The following COMMD10 variants were observed in gnomAD, a reference collection of about 807,000 sequenced individuals.
COMMD10 encodes the protein COMM domain containing 10, also known as COMM domain-containing protein 10.
Under a neutral mutation model 28.9 loss-of-function variants are expected in COMMD10, and 33 were observed. The ratio of observed to expected loss-of-function variants is 1.14; its 90% CI spans 0.87 to 1.53. The LOEUF (loss-of-function observed/expected upper bound fraction) is 1.53, where lower values mean the gene tolerates loss of function less well. Ranked by LOEUF, COMMD10 falls within the 40% of genes most tolerant of loss-of-function variation. COMMD10 has a pLI of 0.00. For missense variants in COMMD10, 310 were observed against 233.4 expected, an observed-to-expected ratio of 1.33 and a Z score of -2.14; for synonymous variants, 110 against 81.7, an observed-to-expected ratio of 1.35 and a Z score of -1.87.
chr5:116,095,922 T>G (rs1750453038), intron 4 of COMMD10, among the ~76,000 whole-genome samples: 1 of 152,140 alleles, frequency 6.6e-6, no homozygotes, highest in Admixed American at 6.5e-5. Context: ...AATCATTTGA[T>G]ATTTTTGTGA....
At chr5:116,147,090 T>A (rs894759079) in intron 5 of COMMD10, among the ~76,000 whole-genome samples, 1 of 151,862 alleles carries the variant, frequency 6.6e-6, no homozygotes, top group African/African-American at 2.4e-5. Flanking sequence ...GGGTGTTTTC[T>A]TTTTGCATAT....
rs1751410899 is a variant in COMMD10, at chr5:116,292,973, G to C, written c.*484G>C. On this transcript the variant is annotated 3_prime_UTR_variant, in exon 7 of 7. Transcript: ENST00000274458. ...TATTTGAATATGATGAGTATATTTT[G>C]CTTCGGAAATAATATAGGAAGGAAA... The C allele has an allele frequency of 5.0e-6, 2 of 397,030 alleles. No homozygotes were observed. The highest frequency in any genetic ancestry group is 4.1e-5 in the African/African-American group (2 of 48,512). The allele number at this position is 397,030 out of a possible 1,614,324, so 24.6% of individuals were successfully genotyped here.
At chr5:116,248,781 C>G (rs925284352) in intron 5 of COMMD10, among the ~76,000 whole-genome samples, 1 of 151,848 alleles carries the variant, frequency 6.6e-6, no homozygotes, top group African/African-American at 2.4e-5. Context: ...TGTGAAGCAA[C>G]TCATGTATGT....
intron 5 of COMMD10, among the ~76,000 whole-genome samples, chr5:116,187,070 AAAT>A (rs1485966375): frequency 1.3e-5 from 2 of 152,146 alleles, no homozygotes; most frequent in Admixed American, 6.6e-5. Flanking sequence ...CTAAAGTAAA[AAAT>A]AATAATAAAC....
intron 5 of COMMD10, among the ~76,000 whole-genome samples, chr5:116,274,525 A>G (rs572127096): frequency 2.0e-5 from 3 of 151,882 alleles, no homozygotes; most frequent in African/African-American, 7.3e-5. Context: ...TCCCTGAGCT[A>G]CATTTGCTTG....
rs958852799 is a variant in COMMD10 at position 116,085,233 on chromosome 5, G to A, written c.41+140G>A. 1.6e-5 allele frequency: 11 copies of A among 682,202 alleles called. No homozygotes were observed. The South Asian group carries it at 1.9e-4, about 12-fold the overall frequency. The allele number at this position is 682,202 out of a possible 1,614,324, so 42.3% of individuals were successfully genotyped here. A position where few individuals can be genotyped will look rare whatever the true frequency, so the allele number is the denominator to read the frequency against. On this transcript the variant is annotated intron_variant, in intron 1 of 6. Coordinates refer to ENST00000274458, the MANE Select transcript of COMMD10 (RefSeq NM_016144.4). ...GGGGTGGGGTGGGGTGGGCTGCCGA[G>A]GTTGCGACGCTGCGTCTGCGGAGTG...
At chr5:116,275,480 A>T (rs1330181575) in intron 5 of COMMD10, among the ~76,000 whole-genome samples, 1 of 151,750 alleles carries the variant, frequency 6.6e-6, no homozygotes, top group East Asian at 1.9e-4. Flanking sequence ...TGTTAGGGCA[A>T]AGTATGTCAT....
intron 5 of COMMD10, among the ~76,000 whole-genome samples, chr5:116,269,164 T>A (rs1381799312): frequency 6.6e-6 from 1 of 151,814 alleles, no homozygotes; most frequent in Non-Finnish European, 1.5e-5. Flanking sequence ...CATGAATTTT[T>A]CCCACGTTTA....
chr5:116,226,203 G>T (rs1749389960), intron 5 of COMMD10, among the ~76,000 whole-genome samples: 1 of 151,866 alleles, frequency 6.6e-6, no homozygotes. Context: ...CTTTAATCTA[G>T]TATCTTATTA....
At chr5:116,291,478 G>C (rs1580366894) in intron 5 of COMMD10, 39 bp from the exon 6 acceptor site, 1 of 1,371,386 alleles carries the variant, frequency 7.3e-7, no homozygotes, top group Admixed American at 1.8e-5. Context: ...TGTAAATTGT[G>C]TGCAACTACA....
intron 5 of COMMD10, among the ~76,000 whole-genome samples, chr5:116,151,883 T>C (rs1580494061): frequency 6.6e-6 from 1 of 152,210 alleles, no homozygotes; most frequent in African/African-American, 2.4e-5. Context: ...TTTAGTTATT[T>C]CTTGCCTTCT....
chr5:116,260,970 G>C (rs141357151), intron 5 of COMMD10, among the ~76,000 whole-genome samples: 1 of 151,846 alleles, frequency 6.6e-6, no homozygotes, highest in East Asian at 1.9e-4. Context: ...TAACAGATCT[G>C]TGCGATTGGT....
intron 4 of COMMD10, among the ~76,000 whole-genome samples, chr5:116,104,526 C>T (rs1186887445): frequency 6.6e-6 from 1 of 152,128 alleles, no homozygotes; most frequent in Non-Finnish European, 1.5e-5. Flanking sequence ...AGTTGCTCAT[C>T]ATCTTAAGGA....
At chr5:116,166,812 C>T (rs934355287) in intron 5 of COMMD10, among the ~76,000 whole-genome samples, 9 of 151,938 alleles carry the variant, frequency 5.9e-5, no homozygotes, top group Non-Finnish European at 1.0e-4. Context: ...ATCAACAAAA[C>T]GGACATCCAC....
chr5:116,139,727 AATC>A (rs1752135834), intron 5 of COMMD10, among the ~76,000 whole-genome samples: 1 of 151,708 alleles, frequency 6.6e-6, no homozygotes, highest in South Asian at 2.1e-4. Flanking sequence ...ATATAAATAA[AATC>A]ATTCTCTCAC....
At chr5:116,183,829 G>T (rs540662863) in intron 5 of COMMD10, among the ~76,000 whole-genome samples, 2 of 152,172 alleles carry the variant, frequency 1.3e-5, no homozygotes, top group Admixed American at 1.3e-4. Context: ...CCATATTCAG[G>T]TATATATGGT....
intron 4 of COMMD10, among the ~76,000 whole-genome samples, chr5:116,123,014 G>A (rs974402994): frequency 6.6e-6 from 1 of 152,122 alleles, no homozygotes; most frequent in African/African-American, 2.4e-5. Flanking sequence ...CCAACACTAT[G>A]TTGAATAGGA....
intron 5 of COMMD10, among the ~76,000 whole-genome samples, chr5:116,137,925 C>A (rs1349020090): frequency 6.6e-6 from 1 of 151,886 alleles, no homozygotes; most frequent in Non-Finnish European, 1.5e-5. Flanking sequence ...GATTATTTTC[C>A]TGTTCCACAG....
chr5:116,106,195 C>T (rs1210249786), intron 4 of COMMD10, among the ~76,000 whole-genome samples: 1 of 151,680 alleles, frequency 6.6e-6, no homozygotes, highest in African/African-American at 2.4e-5. Context: ...TCTTTGTTCT[C>T]ATTGGTTTCT....
Sources: allele counts gnomAD v4.1 joint callset (sites outside exome capture counted in the v4.1 genomes callset), GRCh38; gene constraint gnomAD v4.1.1; transcripts MANE v1.5; gene names NCBI Gene and HGNC (gene_info 2026-07-23, HGNC 2026-07-21).